MED26: variants seen among roughly 807,000 people sequenced by gnomAD.
The protein encoded by MED26 is mediator of RNA polymerase II transcription subunit 26.
In MED26, 7 loss-of-function variants were observed where a neutral mutation model predicts 43.7. The observed-to-expected ratio is 0.16, with a 90% CI of 0.09 to 0.30. MED26 has a LOEUF of 0.30. MED26 is among the 10% of genes least tolerant of loss of function. The pLI is 1.00. For missense variants in MED26, 784 were observed against 840.6 expected, an observed-to-expected ratio of 0.93 and a Z score of 0.83; for synonymous variants, 375 against 371.1, an observed-to-expected ratio of 1.01 and a Z score of -0.12.
rs1467486702 is a variant in MED26, at chr19:16,577,514, C to T, written c.316G>A (p.Gly106Arg). The change falls in exon 3 of 3, where the codon GGG (glycine) becomes AGG (arginine). Residue 106 changes from glycine to arginine, a missense_variant. By Grantham distance (125) the Gly-to-Arg change is moderately radical (BLOSUM62 -2). Around this residue, in one of 3 missense-constraint regions of MED26, gnomAD observed 719 missense variants for 730.9 expected, o/e 0.98. Coordinates refer to ENST00000263390, the MANE Select transcript of MED26 (RefSeq NM_004831.5). This position sits in a 1 kb window ranked among gnomAD's most constrained non-coding sequence, Gnocchi z 8.1. The stretch of plus-strand genomic sequence containing the variant: ...TCCGGCCGGCAGTTGTGTGCGCCCC[C>T]GTTGGCAGAGCCGGTGGCCCCCGCC... ...GLAGATGSANGGAHNCRPEVG... is the reference protein window; with the variant it reads ...GLAGATGSANRGAHNCRPEVG... 3.7e-6 allele frequency: 6 copies of T among 1,601,546 alleles called. No homozygotes were observed. The highest frequency in any genetic ancestry group is 1.3e-5 in the African/African-American group (1 of 74,608).
In MED26 at chr19:16,577,424, G is replaced by C. The variant is rs567636032; in HGVS notation, c.406C>G (p.Leu136Val). The C allele has an allele frequency of 1.5e-4, 246 of 1,598,982 alleles. No homozygotes were observed. The highest frequency in any genetic ancestry group is 6.9e-4 in the South Asian group (63 of 90,660). Residue 136 changes from leucine to valine, a missense_variant, in exon 3 of 3, where the codon CTG becomes GTG. Leu to Val is a conservative substitution (Grantham distance 32, BLOSUM62 1). Transcript: ENST00000263390. This position sits in a 1 kb window ranked among gnomAD's most constrained non-coding sequence, Gnocchi z 8.1. ...DLKSRNDLQRLPGQRLDRLGS... is the reference protein window; with the variant it reads ...DLKSRNDLQRVPGQRLDRLGS... ...AGCCTGTCCAGCCGCTGCCCGGGCA[G>C]CCTCTGGAGGTCATTGCGGCTCTTC... is the stretch of plus-strand genomic sequence containing the variant.
At chr19:16,593,611 C>T (rs2086107762) in intron 1 of MED26, among the ~76,000 whole-genome samples, 1 of 152,218 alleles carries the variant, frequency 6.6e-6, no homozygotes, top group Admixed American at 6.5e-5. Flanking sequence ...TCCAATATCA[C>T]AAACATCTCA....
chr19:16,582,932 C>T (rs890938475), intron 1 of MED26, among the ~76,000 whole-genome samples: 1 of 152,246 alleles, frequency 6.6e-6, no homozygotes, highest in African/African-American at 2.4e-5. Flanking sequence ...GTGGCTCCTT[C>T]ACAACCTGTC....
chr19:16,579,272 T>C (rs989221905), intron 1 of MED26, among the ~76,000 whole-genome samples: 2 of 152,138 alleles, frequency 1.3e-5, no homozygotes, highest in African/African-American at 4.8e-5. Flanking sequence ...GAGCCCGGCG[T>C]AGACTGGCCA....
chr19:16,602,372 T>C (rs747723997), intron 1 of MED26, among the ~76,000 whole-genome samples: 52 of 152,112 alleles, frequency 3.4e-4, no homozygotes, highest in Admixed American at 6.6e-5. Context: ...CCTGGAACCA[T>C]AAGCCATCCC....
intron 1 of MED26, among the ~76,000 whole-genome samples, chr19:16,597,126 G>A (rs2086123471): frequency 6.6e-6 from 1 of 152,194 alleles, no homozygotes; most frequent in South Asian, 2.1e-4. Flanking sequence ...GCAGAGCCTA[G>A]ATCCTTCTCT....
At chr19:16,583,732 T>C (rs1463622271) in intron 1 of MED26, among the ~76,000 whole-genome samples, 1 of 152,138 alleles carries the variant, frequency 6.6e-6, no homozygotes, top group African/African-American at 2.4e-5. Context: ...GACTCCACTG[T>C]CACACCGAAC....
intron 1 of MED26, among the ~76,000 whole-genome samples, chr19:16,599,618 G>A (rs1357523484): frequency 1.3e-5 from 2 of 152,276 alleles, no homozygotes; most frequent in South Asian, 2.1e-4. Flanking sequence ...GATGCATTCC[G>A]GCCCTCTGAC....
chr19:16,580,085 G>C (rs1224834762), intron 1 of MED26, among the ~76,000 whole-genome samples: 1 of 152,196 alleles, frequency 6.6e-6, no homozygotes, highest in African/African-American at 2.4e-5. Flanking sequence ...CTCTGAGCTA[G>C]TGCACAGACA....
intron 1 of MED26, among the ~76,000 whole-genome samples, chr19:16,593,616 A>T (rs2086107787): frequency 6.6e-6 from 1 of 152,018 alleles, no homozygotes; most frequent in African/African-American, 2.4e-5. Flanking sequence ...TATCACAAAC[A>T]TCTCAGGGGT....
At chr19:16,583,407 C>CG (rs2086055243) in intron 1 of MED26, among the ~76,000 whole-genome samples, 2 of 152,228 alleles carry the variant, frequency 1.3e-5, no homozygotes, top group South Asian at 4.1e-4. Flanking sequence ...GGCGTTGCCT[C>CG]CCCTTTCTAC....
intron 1 of MED26, among the ~76,000 whole-genome samples, chr19:16,612,568 G>C (rs562265290): frequency 6.6e-6 from 1 of 152,190 alleles, no homozygotes; most frequent in East Asian, 1.9e-4. Context: ...TTACAGGCTG[G>C]AGCCACCATG....
In MED26 at chr19:16,627,927, G is replaced by A. The variant is rs748305491; in HGVS notation, c.17C>T (p.Ala6Val). 8 of 1,488,884 alleles carry A rather than the reference G, an allele frequency of 5.4e-6. No individual in the cohort carries two copies. Among genetic ancestry groups the A allele is most frequent in the South Asian group, 2.5e-5 (2 of 78,730 alleles). The allele number at this position is 1,488,884 out of a possible 1,614,324, so 92.2% of individuals were successfully genotyped here. A position where few individuals can be genotyped will look rare whatever the true frequency, so the allele number is the denominator to read the frequency against. The change falls in exon 1 of 3, where the codon GCG (alanine) becomes GTG (valine). Residue 6 changes from alanine to valine, a missense_variant. Physicochemically the swap from Ala to Val is moderately conservative, Grantham distance 64 (BLOSUM62 0). Coordinates refer to ENST00000263390, the MANE Select transcript of MED26 (RefSeq NM_004831.5). ...CCGGTCCCTGATCTGCTGCGGAGAC[G>A]CCGGAGCCGCTGTCATTGCCTGGGC... Reference protein sequence around the residue: MTAAPASPQQIRDRLL... With the variant: MTAAPVSPQQIRDRLL...
chr19:16,591,636 G>A (rs1003110829), intron 1 of MED26, among the ~76,000 whole-genome samples: 2 of 152,168 alleles, frequency 1.3e-5, no homozygotes, highest in African/African-American at 4.8e-5. Context: ...TGGAGACCCA[G>A]GTGAAGGAAC....
intron 1 of MED26, among the ~76,000 whole-genome samples, chr19:16,593,974 T>A (rs2086109397): frequency 6.6e-6 from 1 of 152,198 alleles, no homozygotes; most frequent in African/African-American, 2.4e-5. Flanking sequence ...CACACAAATT[T>A]TCTCCAGTTT....
chr19:16,584,079 C>T (rs914323030), intron 1 of MED26, among the ~76,000 whole-genome samples: 1 of 151,996 alleles, frequency 6.6e-6, no homozygotes, highest in African/African-American at 2.4e-5. Context: ...TGTGGTCATC[C>T]TTCCACATGA....
At chr19:16,582,143 G>A (rs115734524) in intron 1 of MED26, among the ~76,000 whole-genome samples, 5 of 152,226 alleles carry the variant, frequency 3.3e-5, no homozygotes, top group Non-Finnish European at 5.9e-5. Flanking sequence ...GAGAGGGTGA[G>A]TGTCCAGTGC....
At chr19:16,613,130 T>C (rs564766427) in intron 1 of MED26, among the ~76,000 whole-genome samples, 2 of 152,256 alleles carry the variant, frequency 1.3e-5, no homozygotes, top group East Asian at 3.9e-4. Context: ...TGATAAATAT[T>C]TGATGTGATT....
In MED26 at chr19:16,577,490, C is replaced by T; in HGVS notation, c.340G>A (p.Glu114Lys). 1 of 1,589,920 alleles carries T rather than the reference C, an allele frequency of 6.3e-7. No homozygotes were observed. Among genetic ancestry groups the T allele is most frequent in the Non-Finnish European group, 8.6e-7 (1 of 1,165,518 alleles). Residue 114 changes from glutamate (E) to lysine (K), a missense_variant, in exon 3 of 3, where the codon GAG becomes AAG. By Grantham distance (56) the Glu-to-Lys change is moderately conservative. Around this residue, in one of 3 missense-constraint regions of MED26, gnomAD observed 719 missense variants for 730.9 expected, o/e 0.98. Coordinates refer to ENST00000263390, the MANE Select transcript of MED26 (RefSeq NM_004831.5). The surrounding 1 kb of genome is among the most constrained non-coding windows in gnomAD (Gnocchi z 8.1). The stretch of plus-strand genomic sequence containing the variant: ...CTGGGTGGGCCAGCCGCCCCCACCT[C>T]CGGCCGGCAGTTGTGTGCGCCCCCG... ...ANGGAHNCRP[E>K]VGAAGPPRSI...
Sources: allele counts gnomAD v4.1 joint callset (sites outside exome capture counted in the v4.1 genomes callset), GRCh38; gene constraint gnomAD v4.1.1; regional missense constraint gnomAD v4.1.1; non-coding constraint Gnocchi (gnomAD v3.1); transcripts MANE v1.5; gene names NCBI Gene and HGNC (gene_info 2026-07-23, HGNC 2026-07-21).